Variants in STAB2 observed in about 807,000 individuals in gnomAD.
The protein encoded by STAB2 is stabilin-2.
A neutral mutation model predicts 338.1 loss-of-function variants in STAB2; 288 were observed. The ratio of observed to expected loss-of-function variants is 0.85; its 90% CI spans 0.77 to 0.94. The LOEUF (loss-of-function observed/expected upper bound fraction) is 0.94, where lower values mean the gene tolerates loss of function less well. Among genes scored for constraint, STAB2 ranks in the 40% least tolerant of loss-of-function variants. STAB2 has a pLI of 0.00. For missense variants in STAB2, 3,141 were observed against 3,210.1 expected (o/e 0.98, Z 0.52); for synonymous variants, 1,202 against 1,193.3 (o/e 1.01, Z -0.15).
intron 5 of STAB2, among the ~76,000 whole-genome samples, chr12:103,630,474 GTCCTAA>G (rs1957442987): frequency 6.6e-6 from 1 of 152,180 alleles, no homozygotes; most frequent in Non-Finnish European, 1.5e-5. Flanking sequence ...CCCCCAAAAT[GTCCTAA>G]TCCCTGGAAC....
rs748466229 is a variant in STAB2 at position 103,677,558 on chromosome 12, A to G, written c.2752A>G (p.Ser918Gly). Residue 918 changes from serine to glycine, a missense_variant, in exon 25 of 69, where the codon AGT (serine) becomes GGT (glycine). Coordinates refer to ENST00000388887, the MANE Select transcript of STAB2 (RefSeq NM_017564.10). The part of the protein sequence containing the change: ...CSEINNCLLP[S>G]AGGCHDNASC... ...GGAGATCAACAACTGCCTGCTGCCC[A>G]GTGCAGGCGGCTGCCACGACAACGC... is the stretch of plus-strand genomic sequence containing the variant. 20 of 1,614,142 alleles carry G rather than the reference A, an allele frequency of 1.2e-5. No homozygotes were observed. Among genetic ancestry groups the G allele is most frequent in the Admixed American group, 3.3e-5 (2 of 60,028 alleles).
chr12:103,640,951 C>G (rs899677252), intron 9 of STAB2, among the ~76,000 whole-genome samples: 2 of 152,168 alleles, frequency 1.3e-5, no homozygotes, highest in Non-Finnish European at 2.9e-5. Flanking sequence ...TTTCTAGAAA[C>G]TATGACACCA....
chr12:103,627,116 G>A (rs1303024450), intron 5 of STAB2, among the ~76,000 whole-genome samples: 1 of 152,222 alleles, frequency 6.6e-6, no homozygotes, highest in East Asian at 1.9e-4. Context: ...AAGAAGCAGA[G>A]AGGGTTGCTC....
chr12:103,610,618 T>A (rs999904282), intron 3 of STAB2, among the ~76,000 whole-genome samples: 1 of 152,232 alleles, frequency 6.6e-6, no homozygotes, highest in African/African-American at 2.4e-5. Context: ...ATCAATTTTG[T>A]TGATCTTTTC....
At chr12:103,764,055 G>A (rs1007380344) in intron 68 of STAB2, among the ~76,000 whole-genome samples, 6 of 151,688 alleles carry the variant, frequency 4.0e-5, no homozygotes, top group East Asian at 1.9e-4. Context: ...GCACGATCTC[G>A]GCTCATTGCA....
intron 50 of STAB2, 63 bp from the exon 51 acceptor site, chr12:103,732,943 A>G: frequency 6.4e-7 from 1 of 1,568,562 alleles, no homozygotes; most frequent in East Asian, 2.3e-5. Context: ...TCAGAGACAG[A>G]ACCCCTGCCC....
chr12:103,731,294 C>A (rs1046157283), intron 49 of STAB2, among the ~76,000 whole-genome samples: 14 of 152,178 alleles, frequency 9.2e-5, no homozygotes, highest in Admixed American at 8.5e-4. Flanking sequence ...CATATTATTT[C>A]TTTCCACCAA....
In STAB2 at chr12:103,758,150, G is replaced by T; in HGVS notation, c.6988-20G>T. On this transcript the variant is annotated intron_variant, in intron 63 of 68. Coordinates refer to ENST00000388887, the MANE Select transcript of STAB2 (RefSeq NM_017564.10). ...GCACACCAGGGCTGGCCCCTCTGAT[G>T]ACTTCCTTCTTCTCCCCAGGAAGTG... is the stretch of plus-strand genomic sequence containing the variant. 1 of 1,613,764 alleles carries T rather than the reference G, an allele frequency of 6.2e-7. No homozygotes were observed. Among genetic ancestry groups the T allele is most frequent in the South Asian group, 1.1e-5 (1 of 91,048 alleles).
chr12:103,653,710 A>ATGGATG (rs1873939040), intron 12 of STAB2, among the ~76,000 whole-genome samples: 2 of 122,986 alleles, frequency 1.6e-5, no homozygotes, highest in Non-Finnish European at 3.3e-5. Flanking sequence ...ATGGATGGAT[A>ATGGATG]GATGGATGGA....
chr12:103,720,233 G>T (rs17034413), intron 44 of STAB2, among the ~76,000 whole-genome samples: 5,784 of 152,250 alleles, frequency 0.038, 399 homozygotes, highest in African/African-American at 0.13. Context: ...AAAAAAAATG[G>T]CCACCTTGTC....
At chr12:103,748,597 CACACACAT>C (rs879674956) in intron 58 of STAB2, among the ~76,000 whole-genome samples, 9,042 of 49,112 alleles carry the variant, frequency 0.18, 297 homozygotes, top group South Asian at 0.23. Context: ...CACACACACA[CACACACAT>C]ACACACACAC....
chr12:103,587,765 C>G (rs1956734342), intron 1 of STAB2, among the ~76,000 whole-genome samples: 1 of 152,218 alleles, frequency 6.6e-6, no homozygotes, highest in African/African-American at 2.4e-5. Flanking sequence ...TACTGAAGCG[C>G]CCCGCTGCTG....
intron 25 of STAB2, among the ~76,000 whole-genome samples, chr12:103,680,918 C>T (rs540960526): frequency 6.6e-6 from 1 of 152,360 alleles, no homozygotes; most frequent in South Asian, 2.1e-4. Context: ...TACACCCACT[C>T]AGCCACTAAG....
chr12:103,621,873 G>A (rs182816471), intron 4 of STAB2, among the ~76,000 whole-genome samples, 169 bp from the exon 5 acceptor site: 137 of 152,336 alleles, frequency 9.0e-4, no homozygotes, highest in African/African-American at 3.0e-3. Context: ...AAATGACATG[G>A]GGATTAATGC....
In STAB2 at chr12:103,682,313, A is replaced by G. The variant is rs111947748; in HGVS notation, c.2806-892A>G. ...ATGCTCCCATCAGCCCTTGTGCACA[A>G]TTACAGAAATCAGGCCAGGGGAGGA... On this transcript the variant is annotated intron_variant, in intron 25 of 68. Transcript: ENST00000388887. Among the ~76,000 whole-genome samples, 5 of 152,244 alleles carry G rather than the reference A, an allele frequency of 3.3e-5. 1 individual carries two copies. The highest frequency in any genetic ancestry group is 1.2e-4 in the African/African-American group (5 of 41,532).
At chr12:103,758,350 G>C in intron 64 of STAB2, 61 bp downstream of exon 64, 1 of 1,598,522 alleles carries the variant, frequency 6.3e-7, no homozygotes, top group South Asian at 1.1e-5. Context: ...CCACAACAAT[G>C]CTGTGTCACA....
chr12:103,755,744 C>T (rs375054106), intron 63 of STAB2, 26 bp downstream of exon 63: 153 of 1,610,868 alleles, frequency 9.5e-5, no homozygotes, highest in Non-Finnish European at 1.2e-4. Context: ...GCTTGGTTTG[C>T]CTCAGGCAGG....
rs966587907 is a variant in STAB2, at chr12:103,712,409, A to C, written c.4377A>C (p.Ala1459=). Residue 1459 remains alanine (A), a synonymous_variant, in exon 41 of 69, where the codon GCA becomes GCC. Coordinates refer to ENST00000388887, the MANE Select transcript of STAB2 (RefSeq NM_017564.10). ...ATGGTACAGCTTCATGCAAGTGTGC[A>C]GCAGGATTCCAAGGAAACGGGACCA... ...NSDGTASCKC[A]AGFQGNGTIC... 1 of 1,614,124 alleles carries C rather than the reference A, an allele frequency of 6.2e-7. No homozygotes were observed. Among genetic ancestry groups the C allele is most frequent in the Non-Finnish European group, 8.5e-7 (1 of 1,179,982 alleles).
At chr12:103,697,015 A>G (rs1331986606) in intron 33 of STAB2, among the ~76,000 whole-genome samples, 15 of 152,198 alleles carry the variant, frequency 9.9e-5, no homozygotes, top group Admixed American at 9.8e-4. Context: ...ATTTTCAGCA[A>G]ATAGGGATTT....
Sources: allele counts gnomAD v4.1 joint callset (sites outside exome capture counted in the v4.1 genomes callset), GRCh38; gene constraint gnomAD v4.1.1; transcripts MANE v1.5; gene names NCBI Gene and HGNC (gene_info 2026-07-23, HGNC 2026-07-21).